VPS13B: variants seen among roughly 807,000 people sequenced by gnomAD.
The protein encoded by VPS13B is intermembrane lipid transfer protein VPS13B.
A neutral mutation model predicts 426.4 loss-of-function variants in VPS13B; 285 were observed. That is an observed-to-expected ratio of 0.67 (90% CI 0.61 to 0.74). The LOEUF is 0.74. VPS13B is among the 30% of genes least tolerant of loss of function. VPS13B has a pLI of 0.00. For synonymous variants in VPS13B, 1,676 were observed against 1,676.4 expected, an observed-to-expected ratio of 1.00 and a Z score of 0.01; for missense variants, 4,537 against 4,782.6, an observed-to-expected ratio of 0.95 and a Z score of 1.51.
intron 30 of VPS13B, 134 bp downstream of exon 30, chr8:99,521,144 T>A: frequency 1.3e-6 from 1 of 742,932 alleles, no homozygotes; most frequent in South Asian, 1.7e-5. Context: ...CAGGTTTTTC[T>A]GATTTTCTTC....
chr8:99,034,190 T>G (rs1842638377), intron 2 of VPS13B, among the ~76,000 whole-genome samples: 1 of 152,224 alleles, frequency 6.6e-6, no homozygotes, highest in South Asian at 2.1e-4. Context: ...TTTTGTGATG[T>G]CTGTTTCGTG....
chr8:99,302,051 T>G (rs542280012), intron 19 of VPS13B, among the ~76,000 whole-genome samples: 1 of 152,320 alleles, frequency 6.6e-6, no homozygotes, highest in African/African-American at 2.4e-5. Context: ...AGCTCCTTAT[T>G]TCAATGATCT....
At chr8:99,558,159 C>G (rs1824690622) in intron 31 of VPS13B, among the ~76,000 whole-genome samples, 1 of 152,070 alleles carries the variant, frequency 6.6e-6, no homozygotes, top group Admixed American at 6.6e-5. Flanking sequence ...ATCACTTTAC[C>G]CAGTTTATTT....
intron 35 of VPS13B, among the ~76,000 whole-genome samples, chr8:99,678,900 G>C (rs951436018): frequency 6.6e-6 from 1 of 152,024 alleles, no homozygotes; most frequent in Non-Finnish European, 1.5e-5. Flanking sequence ...ATATTCCAAT[G>C]GTGGCCAGTT....
intron 30 of VPS13B, among the ~76,000 whole-genome samples, chr8:99,542,647 G>C (rs1027793232): frequency 2.6e-5 from 4 of 152,128 alleles, no homozygotes; most frequent in Non-Finnish European, 5.9e-5. Context: ...TATTACATAG[G>C]TGGATGGAGA....
At chr8:99,552,609 A>G (rs1233865409) in intron 30 of VPS13B, among the ~76,000 whole-genome samples, 11 of 151,546 alleles carry the variant, frequency 7.3e-5, no homozygotes, top group Admixed American at 7.3e-4. Flanking sequence ...CCCATTAGTA[A>G]GGTAAAGACA....
At chr8:99,057,630 T>A (rs531781465) in intron 3 of VPS13B, among the ~76,000 whole-genome samples, 121 of 152,290 alleles carry the variant, frequency 7.9e-4, no homozygotes, top group South Asian at 3.7e-3. Context: ...GTCTTTTTTT[T>A]CCTGAACTCC....
intron 17 of VPS13B, chr8:99,234,021 C>T (rs1312695842): frequency 1.3e-6 from 1 of 774,490 alleles, no homozygotes; most frequent in Non-Finnish European, 2.4e-6. Flanking sequence ...TCCTTTCAGA[C>T]CATGGCACCA....
intron 30 of VPS13B, among the ~76,000 whole-genome samples, chr8:99,530,024 A>G (rs2133692086): frequency 6.6e-6 from 1 of 152,288 alleles, no homozygotes; most frequent in Admixed American, 6.5e-5. Flanking sequence ...TGCATTTTCA[A>G]CTTTCTTGAA....
intron 19 of VPS13B, among the ~76,000 whole-genome samples, chr8:99,308,554 C>G (rs1299329532): frequency 6.6e-6 from 1 of 152,086 alleles, no homozygotes; most frequent in Non-Finnish European, 1.5e-5. Context: ...GTATATGTGC[C>G]ACATTTTCTT....
intron 21 of VPS13B, among the ~76,000 whole-genome samples, chr8:99,418,874 A>G (rs572804042): frequency 6.6e-6 from 1 of 152,336 alleles, no homozygotes; most frequent in African/African-American, 2.4e-5. Context: ...GCGCTCTTCT[A>G]GATGGCTTGG....
chr8:99,163,246 A>G (rs1811777833), intron 15 of VPS13B, among the ~76,000 whole-genome samples: 1 of 152,204 alleles, frequency 6.6e-6, no homozygotes, highest in Admixed American at 6.5e-5. Flanking sequence ...TGAGCTAAAC[A>G]CAGGGTGCTG....
chr8:99,767,035 A>T, intron 40 of VPS13B, 65 bp downstream of exon 40: 1 of 1,503,530 alleles, frequency 6.7e-7, no homozygotes, highest in Non-Finnish European at 9.2e-7. Flanking sequence ...ATCTTTTCCT[A>T]TCTAGTGACC....
intron 17 of VPS13B, among the ~76,000 whole-genome samples, chr8:99,200,586 A>C (rs536435315): frequency 7.2e-5 from 11 of 152,114 alleles, no homozygotes; most frequent in African/African-American, 2.6e-4. Context: ...TTTGTGTTCC[A>C]GCCATCATTG....
chr8:99,055,788 G>A (rs1359081581), intron 3 of VPS13B, among the ~76,000 whole-genome samples: 1 of 151,958 alleles, frequency 6.6e-6, no homozygotes, highest in Non-Finnish European at 1.5e-5. Context: ...GCAGTGCAGT[G>A]ATGTGATCAT....
chr8:99,025,715 T>C (rs1161932014), intron 2 of VPS13B, among the ~76,000 whole-genome samples: 1 of 152,184 alleles, frequency 6.6e-6, no homozygotes, highest in Non-Finnish European at 1.5e-5. Context: ...AGTGATTTTA[T>C]TACTGATTCA....
chr8:99,367,084 TA>T (rs1245342630), intron 19 of VPS13B, among the ~76,000 whole-genome samples: 3 of 152,230 alleles, frequency 2.0e-5, no homozygotes, highest in Non-Finnish European at 4.4e-5. Flanking sequence ...GTGTGCTTAC[TA>T]TTACCAGAGA....
At chr8:99,084,910 C>T (rs1845690089) in intron 3 of VPS13B, among the ~76,000 whole-genome samples, 2 of 152,140 alleles carry the variant, frequency 1.3e-5, no homozygotes, top group South Asian at 4.1e-4. Flanking sequence ...CGGCGTGGTG[C>T]TGAGAAGAAT....
At chr8:99,856,927 G>A (rs1384000619) in intron 56 of VPS13B, among the ~76,000 whole-genome samples, 1 of 152,148 alleles carries the variant, frequency 6.6e-6, no homozygotes, top group Non-Finnish European at 1.5e-5. Context: ...AATAGTAATT[G>A]GAAATCAGTA....
Sources: allele counts gnomAD v4.1 joint callset (sites outside exome capture counted in the v4.1 genomes callset), GRCh38; gene constraint gnomAD v4.1.1; transcripts MANE v1.5; gene names NCBI Gene and HGNC (gene_info 2026-07-23, HGNC 2026-07-21).